The following MDGA2 variants were observed in gnomAD, a reference collection of about 807,000 sequenced individuals.
MDGA2 encodes MAM domain containing glycosylphosphatidylinositol anchor 2, also known as MAM domain-containing glycosylphosphatidylinositol anchor protein 2.
Under a neutral mutation model 117.8 loss-of-function variants are expected in MDGA2, and 40 were observed. The observed-to-expected ratio is 0.34, with a 90% CI of 0.26 to 0.44. The LOEUF (loss-of-function observed/expected upper bound fraction) is 0.44. Ranked by LOEUF, MDGA2 falls within the 20% of genes least tolerant of loss-of-function variation. The pLI is 1.00. For synonymous variants in MDGA2, 452 were observed against 439.0 expected, an observed-to-expected ratio of 1.03 and a Z score of -0.37; for missense variants, 1,123 against 1,250.6, an observed-to-expected ratio of 0.90 and a Z score of 1.54.
intron 6 of MDGA2, among the ~76,000 whole-genome samples, chr14:47,061,982 A>ACC: frequency 6.6e-6 from 1 of 152,118 alleles, no homozygotes; most frequent in East Asian, 1.9e-4. Flanking sequence ...CTATGTCACT[A>ACC]CTTAGTTATT....
chr14:47,086,963 CT>C (rs145327367), intron 6 of MDGA2, among the ~76,000 whole-genome samples: 114 of 152,256 alleles, frequency 7.5e-4, no homozygotes, highest in African/African-American at 2.7e-3. Context: ...GCCTCAGGGA[CT>C]TTTCCCTTAT....
intron 1 of MDGA2, among the ~76,000 whole-genome samples, chr14:47,565,261 C>G (rs1395004648): frequency 6.6e-6 from 1 of 152,136 alleles, no homozygotes; most frequent in Non-Finnish European, 1.5e-5. Flanking sequence ...TTCAATCTTT[C>G]AAGTTGCTGC....
chr14:46,960,146 A>T (rs1383145173), intron 8 of MDGA2, among the ~76,000 whole-genome samples: 1 of 152,052 alleles, frequency 6.6e-6, no homozygotes, highest in African/African-American at 2.4e-5. Flanking sequence ...GCTTGAACCC[A>T]GGAGGCAGAG....
intron 7 of MDGA2, among the ~76,000 whole-genome samples, chr14:47,045,497 TAA>T (rs1406205660): frequency 1.8e-4 from 27 of 152,278 alleles, no homozygotes; most frequent in African/African-American, 6.3e-4. Flanking sequence ...ATTAAGTATA[TAA>T]AGTCTCACAT....
At chr14:47,507,234 C>G (rs1566490125) in intron 1 of MDGA2, among the ~76,000 whole-genome samples, 3 of 151,810 alleles carry the variant, frequency 2.0e-5, no homozygotes, top group Non-Finnish European at 2.9e-5. Flanking sequence ...GCCATAGGAA[C>G]CTAGGAGATA....
At chr14:47,327,666 C>T (rs1013887873) in intron 1 of MDGA2, among the ~76,000 whole-genome samples, 1 of 152,286 alleles carries the variant, frequency 6.6e-6, no homozygotes, top group African/African-American at 2.4e-5. Flanking sequence ...CAAATTACTA[C>T]ACAAATTATA....
intron 1 of MDGA2, among the ~76,000 whole-genome samples, chr14:47,479,513 C>T (rs1424940415): frequency 6.6e-6 from 1 of 152,082 alleles, no homozygotes; most frequent in East Asian, 1.9e-4. Flanking sequence ...TAAATCACTT[C>T]AAAACCAAGG....
At chr14:47,210,887 G>T (rs1027054822) in intron 3 of MDGA2, among the ~76,000 whole-genome samples, 1 of 151,980 alleles carries the variant, frequency 6.6e-6, no homozygotes, top group Non-Finnish European at 1.5e-5. Flanking sequence ...AGGAGCCTGA[G>T]GGGGAGGATC....
intron 7 of MDGA2, among the ~76,000 whole-genome samples, chr14:47,049,132 G>A (rs1162795532): frequency 6.6e-6 from 1 of 152,000 alleles, no homozygotes; most frequent in Non-Finnish European, 1.5e-5. Flanking sequence ...GGTAAAAGTG[G>A]ACTACTTACG....
At chr14:47,533,199 C>T (rs72670734) in intron 1 of MDGA2, among the ~76,000 whole-genome samples, 5,140 of 152,122 alleles carry the variant, frequency 0.034, 140 homozygotes, top group Non-Finnish European at 0.049. Context: ...CAGGATGAAT[C>T]CTTCAAAGGA....
chr14:47,549,996 A>G (rs1895550111), intron 1 of MDGA2, among the ~76,000 whole-genome samples: 1 of 152,174 alleles, frequency 6.6e-6, no homozygotes, highest in Non-Finnish European at 1.5e-5. Flanking sequence ...CACAGCTACT[A>G]TCCCCAAATC....
At chr14:47,095,204 C>T (rs1472981499) in intron 6 of MDGA2, among the ~76,000 whole-genome samples, 1 of 151,954 alleles carries the variant, frequency 6.6e-6, no homozygotes, top group African/African-American at 2.4e-5. Flanking sequence ...TTTATTTTTA[C>T]ATTTTAACAA....
intron 13 of MDGA2, 117 bp downstream of exon 13, chr14:46,873,928 A>G (rs1882120192): frequency 5.2e-6 from 5 of 961,698 alleles, no homozygotes; most frequent in Non-Finnish European, 5.9e-6. Flanking sequence ...CTGTACAGAA[A>G]ATTTAATATT....
intron 8 of MDGA2, among the ~76,000 whole-genome samples, chr14:47,019,591 C>A (rs1446851557): frequency 6.6e-6 from 1 of 152,048 alleles, no homozygotes; most frequent in Non-Finnish European, 1.5e-5. Context: ...CGCCTGTAAT[C>A]CCAGCACTTT....
intron 1 of MDGA2, among the ~76,000 whole-genome samples, chr14:47,311,679 A>T (rs965251358): frequency 2.0e-5 from 3 of 151,390 alleles, no homozygotes; most frequent in Non-Finnish European, 4.4e-5. Context: ...GCACCTGTGT[A>T]ATTCATGTTA....
chr14:47,065,487 T>A (rs1890046882), intron 6 of MDGA2, among the ~76,000 whole-genome samples: 1 of 152,178 alleles, frequency 6.6e-6, no homozygotes, highest in Non-Finnish European at 1.5e-5. Flanking sequence ...CTAGATTACA[T>A]CTTGAGCATA....
intron 2 of MDGA2, among the ~76,000 whole-genome samples, chr14:47,223,627 G>A (rs1018126229): frequency 3.3e-5 from 5 of 152,112 alleles, no homozygotes; most frequent in Admixed American, 6.6e-5. Flanking sequence ...AAATTTGATA[G>A]TTACTTAACT....
At chr14:47,247,724 T>C (rs962623031) in intron 2 of MDGA2, among the ~76,000 whole-genome samples, 6 of 151,192 alleles carry the variant, frequency 4.0e-5, no homozygotes, top group Non-Finnish European at 5.9e-5. Context: ...ACACGTGCCA[T>C]GGTGGTTTGC....
chr14:47,526,144 ATTT>A (rs1214047130), intron 1 of MDGA2, among the ~76,000 whole-genome samples: 13 of 152,120 alleles, frequency 8.5e-5, no homozygotes, highest in African/African-American at 2.9e-4. Flanking sequence ...CTTTTTCTCT[ATTT>A]CTTGAAAATA....
Sources: gnomAD v4.1 joint callset for allele counts (sites outside exome capture counted in the v4.1 genomes callset) on GRCh38, gnomAD v4.1.1 for gene constraint, MANE v1.5 for transcripts, NCBI Gene and HGNC (gene_info 2026-07-23, HGNC 2026-07-21) for gene names.